Variants in PLXDC2 observed in about 807,000 individuals in gnomAD.
PLXDC2 encodes plexin domain-containing protein 2.
In PLXDC2, 40 loss-of-function variants were observed where a neutral mutation model predicts 68.9. That is an observed-to-expected ratio of 0.58 (90% CI 0.45 to 0.76). PLXDC2 has a LOEUF of 0.76. Ranked by LOEUF, PLXDC2 falls within the 30% of genes least tolerant of loss-of-function variation. The pLI is 0.00. For synonymous variants in PLXDC2, 243 were observed against 234.2 expected (o/e 1.04, Z -0.34); for missense variants, 644 against 661.9 (o/e 0.97, Z 0.30).
chr10:19,899,508 A>G (rs972099113), intron 1 of PLXDC2, among the ~76,000 whole-genome samples: 6 of 152,232 alleles, frequency 3.9e-5, no homozygotes, highest in African/African-American at 1.4e-4. Context: ...TGCACGTATT[A>G]TATGAGAATA....
intron 1 of PLXDC2, among the ~76,000 whole-genome samples, chr10:19,832,073 T>G (rs983278322): frequency 2.0e-5 from 3 of 152,246 alleles, no homozygotes; most frequent in African/African-American, 7.2e-5. Context: ...CGTTTATTCA[T>G]TTATTATTTT....
intron 4 of PLXDC2, among the ~76,000 whole-genome samples, chr10:20,071,947 T>C (rs551037623): frequency 6.6e-6 from 1 of 152,160 alleles, no homozygotes; most frequent in East Asian, 1.9e-4. Context: ...TGAAACCATA[T>C]TGGGTATATT....
rs571709249 is a variant in PLXDC2, at chr10:19,886,066, T to C, written c.112+68875T>C. 2.0e-5 allele frequency among the ~76,000 whole-genome samples: 3 copies of C among 152,328 alleles called. No homozygotes were observed. The East Asian group carries it at 5.8e-4, about 29-fold the overall frequency. The stretch of plus-strand genomic sequence containing the variant: ...TTGTAGCTCTCCTTGAAGAGGTCCT[T>C]CACATCCCTTGTAAGGTGGATTCCT... On this transcript the variant is annotated intron_variant, in intron 1 of 13. Coordinates refer to ENST00000377252, the MANE Select transcript of PLXDC2 (RefSeq NM_032812.9).
intron 1 of PLXDC2, among the ~76,000 whole-genome samples, chr10:19,860,084 G>A (rs1044015007): frequency 6.6e-6 from 1 of 152,162 alleles, no homozygotes; most frequent in South Asian, 2.1e-4. Context: ...GTGTCATACA[G>A]ATAAAAGCAA....
chr10:20,001,711 G>A (rs1016428243), intron 1 of PLXDC2, 64 bp from the exon 2 acceptor site: 17 of 1,454,002 alleles, frequency 1.2e-5, no homozygotes, highest in East Asian at 2.3e-5. Flanking sequence ...TTCTCGAGCC[G>A]ATAGCACTTG....
At chr10:20,200,712 A>G (rs1325154229) in intron 9 of PLXDC2, among the ~76,000 whole-genome samples, 2 of 152,130 alleles carry the variant, frequency 1.3e-5, no homozygotes. Flanking sequence ...AACTAGGTAA[A>G]TGACCTGAAC....
chr10:20,034,940 T>C (rs1189310089), intron 2 of PLXDC2, among the ~76,000 whole-genome samples: 2 of 152,198 alleles, frequency 1.3e-5, no homozygotes, highest in Admixed American at 6.5e-5. Context: ...ATAATGTTTG[T>C]ACAATGATGA....
intron 4 of PLXDC2, among the ~76,000 whole-genome samples, chr10:20,135,779 A>G (rs956674322): frequency 6.6e-6 from 1 of 152,198 alleles, no homozygotes; most frequent in Admixed American, 6.5e-5. Flanking sequence ...GTTGTGGTTT[A>G]TAATCCCCAG....
chr10:19,884,959 A>G (rs1375057515), intron 1 of PLXDC2, among the ~76,000 whole-genome samples: 1 of 152,232 alleles, frequency 6.6e-6, no homozygotes, highest in Non-Finnish European at 1.5e-5. Context: ...ACTAGTTGAC[A>G]GTCCCACCAA....
intron 1 of PLXDC2, among the ~76,000 whole-genome samples, chr10:19,893,276 A>G (rs192408532): frequency 4.6e-5 from 7 of 152,194 alleles, no homozygotes; most frequent in Non-Finnish European, 8.8e-5. Context: ...CTGAATACAC[A>G]TTCGAAGTGT....
intron 2 of PLXDC2, among the ~76,000 whole-genome samples, chr10:20,043,605 C>T (rs964561433): frequency 1.3e-5 from 2 of 151,916 alleles, no homozygotes; most frequent in African/African-American, 4.8e-5. Context: ...TTGTAATATT[C>T]CCTATTTATA....
At chr10:20,240,095 A>G (rs1375680962) in intron 12 of PLXDC2, among the ~76,000 whole-genome samples, 1 of 152,108 alleles carries the variant, frequency 6.6e-6, no homozygotes, top group East Asian at 1.9e-4. Flanking sequence ...TCTATCCTCA[A>G]GTAGGCTCTG....
intron 1 of PLXDC2, among the ~76,000 whole-genome samples, chr10:19,875,726 A>G (rs1383556901): frequency 1.3e-5 from 2 of 152,240 alleles, no homozygotes; most frequent in African/African-American, 4.8e-5. Context: ...TGATTAATTC[A>G]AATTTTCTAA....
In PLXDC2 at chr10:20,245,351, C is replaced by T. The variant is rs753259771; in HGVS notation, c.1319C>T (p.Thr440Ile). ...AGCTGGGATGTTCTTTCAGCTTCTA[C>T]AGATGACAGTGCAGCTGAGAAGAAA... ...ALHLKDNGAS[T>I]DDSAAEKKGG... Residue 440 changes from threonine (T) to isoleucine (I), a missense_variant, in exon 13 of 14, where the codon ACA becomes ATA. This residue lies in a region of PLXDC2 where 330 missense variants were observed against 327.9 expected (regional missense o/e 1.01). Coordinates refer to ENST00000377252, the MANE Select transcript of PLXDC2 (RefSeq NM_032812.9). 1.9e-6 allele frequency: 3 copies of T among 1,610,246 alleles called. No individual in the cohort carries two copies. The highest frequency in any genetic ancestry group is 2.7e-5 in the African/African-American group (2 of 74,754).
intron 4 of PLXDC2, among the ~76,000 whole-genome samples, chr10:20,135,052 G>A (rs1282101230): frequency 6.6e-6 from 1 of 152,122 alleles, no homozygotes; most frequent in Non-Finnish European, 1.5e-5. Context: ...CTCCACTTAG[G>A]TGCTATAATC....
intron 1 of PLXDC2, among the ~76,000 whole-genome samples, chr10:19,888,352 A>G (rs1372526164): frequency 6.6e-6 from 1 of 152,196 alleles, no homozygotes; most frequent in Non-Finnish European, 1.5e-5. Context: ...TTTCAGGCCA[A>G]GTAGTTTTTC....
At chr10:20,126,771 CAT>C (rs5783724) in intron 4 of PLXDC2, among the ~76,000 whole-genome samples, 334 of 2,266 alleles carry the variant, frequency 0.15, 129 homozygotes, top group African/African-American at 0.39. Flanking sequence ...ATAGAACACA[CAT>C]GTTATATATG....
intron 12 of PLXDC2, among the ~76,000 whole-genome samples, chr10:20,239,241 A>G (rs1294546565): frequency 6.6e-6 from 1 of 152,214 alleles, no homozygotes; most frequent in Non-Finnish European, 1.5e-5. Flanking sequence ...TTGCATGAAT[A>G]TAGGAAGAGT....
chr10:20,127,223 C>G (rs1453637516), intron 4 of PLXDC2, among the ~76,000 whole-genome samples: 1 of 152,004 alleles, frequency 6.6e-6, no homozygotes, highest in Admixed American at 6.6e-5. Flanking sequence ...ATTTATCTTG[C>G]CATGAAAAGG....
Sources: allele counts gnomAD v4.1 joint callset (sites outside exome capture counted in the v4.1 genomes callset), GRCh38; gene constraint gnomAD v4.1.1; regional missense constraint gnomAD v4.1.1; transcripts MANE v1.5; gene names NCBI Gene and HGNC (gene_info 2026-07-23, HGNC 2026-07-21).